DSCAM: variants seen among roughly 807,000 people sequenced by gnomAD.
DSCAM encodes the protein cell adhesion molecule DSCAM.
A neutral mutation model predicts 217.7 loss-of-function variants in DSCAM; 47 were observed. The observed-to-expected ratio is 0.22, with a 90% CI of 0.17 to 0.28. The LOEUF is 0.28. Ranked by LOEUF, DSCAM falls within the 10% of genes least tolerant of loss-of-function variation. The pLI, the probability that DSCAM is intolerant of heterozygous loss-of-function variation, is 1.00. For synonymous variants in DSCAM, 1,056 were observed against 1,015.3 expected, an observed-to-expected ratio of 1.04 and a Z score of -0.76; for missense variants, 2,080 against 2,618.3, an observed-to-expected ratio of 0.79 and a Z score of 4.49.
intron 3 of DSCAM, among the ~76,000 whole-genome samples, chr21:40,403,296 A>G (rs2075253470): frequency 6.6e-6 from 1 of 152,002 alleles, no homozygotes; most frequent in Non-Finnish European, 1.5e-5. Flanking sequence ...GGTGATTAGT[A>G]AATCTTTTTT....
intron 5 of DSCAM, among the ~76,000 whole-genome samples, chr21:40,351,306 G>C (rs1341525170): frequency 6.6e-6 from 1 of 152,132 alleles, no homozygotes; most frequent in Admixed American, 6.5e-5. Context: ...TTGCATCTGA[G>C]GGATGAGAAG....
chr21:40,816,858 C>A (rs1397914589), intron 1 of DSCAM, among the ~76,000 whole-genome samples: 1 of 151,918 alleles, frequency 6.6e-6, no homozygotes, highest in African/African-American at 2.4e-5. Flanking sequence ...ACTAAAGTTT[C>A]CCCAAAATAA....
chr21:40,173,192 C>A (rs1397783133), intron 15 of DSCAM, among the ~76,000 whole-genome samples: 4 of 152,104 alleles, frequency 2.6e-5, no homozygotes, highest in African/African-American at 9.7e-5. Flanking sequence ...ATACAGTACA[C>A]TGGGTGCTGA....
chr21:40,183,572 A>T (rs2146817128), intron 14 of DSCAM, among the ~76,000 whole-genome samples: 1 of 152,290 alleles, frequency 6.6e-6, no homozygotes, highest in Non-Finnish European at 1.5e-5. Flanking sequence ...CTGTTGTCAA[A>T]TCCTGGGAGG....
At chr21:40,062,168 A>G (rs1009545666) in intron 28 of DSCAM, among the ~76,000 whole-genome samples, 1 of 152,228 alleles carries the variant, frequency 6.6e-6, no homozygotes, top group Non-Finnish European at 1.5e-5. Context: ...TGAAAGTAAC[A>G]CACTTGTCAC....
At chr21:40,089,991 C>CCATT (rs1447511496) in intron 21 of DSCAM, among the ~76,000 whole-genome samples, 1 of 152,174 alleles carries the variant, frequency 6.6e-6, no homozygotes, top group Non-Finnish European at 1.5e-5. Context: ...AATGTCCTCC[C>CCATT]CATTCCCTGC....
intron 2 of DSCAM, among the ~76,000 whole-genome samples, chr21:40,698,087 T>C (rs1254062136): frequency 1.3e-5 from 2 of 152,242 alleles, no homozygotes; most frequent in East Asian, 3.8e-4. Context: ...GAAAAGCATC[T>C]TATAGTTATA....
At chr21:40,771,242 G>A (rs781400687) in intron 1 of DSCAM, among the ~76,000 whole-genome samples, 2 of 152,186 alleles carry the variant, frequency 1.3e-5, no homozygotes, top group Non-Finnish European at 2.9e-5. Flanking sequence ...CATTTTACCA[G>A]GTATTTTCAT....
intron 3 of DSCAM, among the ~76,000 whole-genome samples, chr21:40,659,318 C>T (rs767490451): frequency 3.2e-4 from 49 of 152,186 alleles, no homozygotes; most frequent in Non-Finnish European, 6.8e-4. Flanking sequence ...CACTTTAAAA[C>T]ATCCTCTGTT....
Position 40,144,715 on chromosome 21 carries a change from A to C in DSCAM, c.3035T>G (p.Leu1012Trp). The change falls in exon 17 of 33, where the codon TTG (leucine) becomes TGG (tryptophan). Residue 1012 changes from leucine to tryptophan, a missense_variant. This residue lies in a region of DSCAM where 1,144 missense variants were observed against 1,421.1 expected (regional missense o/e 0.81). Transcript: ENST00000400454. The surrounding 1 kb of genome is among the most constrained non-coding windows in gnomAD (Gnocchi z 4.8). ...GTAGCCACGGATAATCCCATTTTGC[A>C]AATGTTTCTTGGGAGCCTAAACAGG... ...RVTWKAPKKH[L>W]QNGIIRGYQI... 9 of 1,614,196 alleles carry C rather than the reference A, an allele frequency of 5.6e-6. No homozygotes were observed. Among genetic ancestry groups the C allele is most frequent in the Non-Finnish European group, 7.6e-6 (9 of 1,180,038 alleles).
intron 15 of DSCAM, among the ~76,000 whole-genome samples, chr21:40,169,678 C>A (rs879335370): frequency 6.6e-5 from 10 of 152,122 alleles, no homozygotes; most frequent in Non-Finnish European, 1.3e-4. Context: ...GAAATGGGGA[C>A]ATTGCGGCCT....
intron 11 of DSCAM, among the ~76,000 whole-genome samples, chr21:40,237,355 C>T (rs1475433566): frequency 6.6e-6 from 1 of 152,016 alleles, no homozygotes; most frequent in Non-Finnish European, 1.5e-5. Context: ...CTAATGCTAT[C>T]CCTCCCCTAG....
chr21:40,758,774 T>G (rs1247302282), intron 1 of DSCAM, among the ~76,000 whole-genome samples: 3 of 151,958 alleles, frequency 2.0e-5, no homozygotes, highest in Non-Finnish European at 4.4e-5. Context: ...GCCCAAAACT[T>G]CACACCCCAA....
intron 32 of DSCAM, among the ~76,000 whole-genome samples, chr21:40,031,257 T>A (rs4818110): frequency 6.6e-6 from 1 of 151,872 alleles, no homozygotes; most frequent in Admixed American, 6.6e-5. Context: ...TAGAGGCCTC[T>A]TTGTCCCTGC....
chr21:40,846,600 C>G lies in DSCAM; in HGVS notation c.43+19G>C. 2 of 1,207,600 alleles carry G rather than the reference C, an allele frequency of 1.7e-6. No homozygotes were observed. Among genetic ancestry groups the G allele is most frequent in the South Asian group, 3.8e-5 (2 of 53,104 alleles). The allele number at this position is 1,207,600 out of a possible 1,614,324, so 74.8% of individuals were successfully genotyped here. ...TCAATGATAAGGAAACGAAATTCAT[C>G]ACAAACCGAAAGGCTCACCATTCGC... is the stretch of plus-strand genomic sequence containing the variant. On this transcript the variant is annotated intron_variant, in intron 1 of 32. Transcript: ENST00000400454.
At chr21:40,055,531 T>C (rs1250496549) in intron 29 of DSCAM, among the ~76,000 whole-genome samples, 194 bp downstream of exon 29, 1 of 152,196 alleles carries the variant, frequency 6.6e-6, no homozygotes, top group Non-Finnish European at 1.5e-5. Flanking sequence ...TGGTGGTATA[T>C]ATAAGTCAAA....
chr21:40,112,061 C>T (rs912569171), intron 20 of DSCAM, among the ~76,000 whole-genome samples: 27 of 150,732 alleles, frequency 1.8e-4, no homozygotes, highest in South Asian at 4.2e-4. Flanking sequence ...CTGCACCAAG[C>T]GGACCTAATA....
intron 3 of DSCAM, among the ~76,000 whole-genome samples, chr21:40,450,872 T>C (rs1427371718): frequency 1.3e-5 from 2 of 152,240 alleles, no homozygotes; most frequent in African/African-American, 2.4e-5. Context: ...TACTATTTGT[T>C]TCTTTTTTGC....
intron 28 of DSCAM, among the ~76,000 whole-genome samples, chr21:40,062,665 G>A (rs1453391200): frequency 6.6e-6 from 1 of 151,924 alleles, no homozygotes; most frequent in East Asian, 1.9e-4. Context: ...CCTGTGGCAT[G>A]TCTACAAATA....
Sources: gnomAD v4.1 joint callset for allele counts (sites outside exome capture counted in the v4.1 genomes callset) on GRCh38, gnomAD v4.1.1 for gene constraint, gnomAD v4.1.1 regional missense constraint, Gnocchi (gnomAD v3.1) non-coding constraint, MANE v1.5 for transcripts, NCBI Gene and HGNC (gene_info 2026-07-23, HGNC 2026-07-21) for gene names.